Variants in TSPAN18 observed in about 807,000 individuals in gnomAD.
TSPAN18 encodes the protein tetraspanin 18.
TSPAN18 carries 14 observed loss-of-function variants against 27.3 expected under a neutral mutation model. The observed-to-expected ratio is 0.51, with a 90% CI of 0.34 to 0.80. The LOEUF is 0.80. Among genes scored for constraint, TSPAN18 ranks in the 30% least tolerant of loss-of-function variants. The pLI is 0.01. For missense variants in TSPAN18, 268 were observed against 323.9 expected (o/e 0.83, Z 1.32); for synonymous variants, 143 against 136.5 (o/e 1.05, Z -0.33).
intron 6 of TSPAN18, 66 bp downstream of exon 6, chr11:44,918,112 C>A: frequency 2.0e-6 from 3 of 1,512,410 alleles, no homozygotes; most frequent in Non-Finnish European, 2.7e-6. Flanking sequence ...CCATTCAGGT[C>A]TGGCTCCTCC....
At chr11:44,897,887 C>T (rs966337970) in intron 3 of TSPAN18, 161 of 1,283,382 alleles carry the variant, frequency 1.3e-4, no homozygotes, top group East Asian at 2.8e-4. Context: ...TCACCTGACA[C>T]GGTCCCATCT....
chr11:44,805,964 C>T (rs748659973), intron 2 of TSPAN18, among the ~76,000 whole-genome samples: 8 of 152,098 alleles, frequency 5.3e-5, no homozygotes, highest in South Asian at 2.1e-4. Flanking sequence ...TAATGACCTC[C>T]GCAGAGATTC....
intron 2 of TSPAN18, among the ~76,000 whole-genome samples, chr11:44,779,951 A>C (rs1168138787): frequency 1.3e-5 from 2 of 152,160 alleles, no homozygotes; most frequent in Admixed American, 1.3e-4. Context: ...ACCTATGCAC[A>C]TACCTACCCG....
intron 4 of TSPAN18, among the ~76,000 whole-genome samples, chr11:44,906,977 A>G (rs1859475772): frequency 6.6e-6 from 1 of 152,202 alleles, no homozygotes; most frequent in African/African-American, 2.4e-5. Context: ...GTGATTTGAG[A>G]CACATTTCAC....
chr11:44,862,902 C>A (rs1285459163), intron 3 of TSPAN18, among the ~76,000 whole-genome samples: 1 of 152,178 alleles, frequency 6.6e-6, no homozygotes, highest in Non-Finnish European at 1.5e-5. Flanking sequence ...GGAGGAAGGG[C>A]AGCTGTTAGA....
chr11:44,835,054 G>A (rs575253295), intron 2 of TSPAN18, among the ~76,000 whole-genome samples: 6 of 152,182 alleles, frequency 3.9e-5, no homozygotes, highest in Non-Finnish European at 5.9e-5. Flanking sequence ...GAGGGTGGGG[G>A]AGGGATGGAA....
At chr11:44,915,676 C>T (rs1195853524) in intron 5 of TSPAN18, among the ~76,000 whole-genome samples, 2 of 152,188 alleles carry the variant, frequency 1.3e-5, no homozygotes, top group Non-Finnish European at 2.9e-5. Flanking sequence ...CCCTGAGCCT[C>T]GCCCTGCATC....
chr11:44,835,844 A>G (rs1369097684), intron 2 of TSPAN18, among the ~76,000 whole-genome samples: 1 of 152,120 alleles, frequency 6.6e-6, no homozygotes, highest in Non-Finnish European at 1.5e-5. Flanking sequence ...CATTATTAAT[A>G]TGTCTGTTGT....
At chr11:44,735,628 T>TA (rs1313730120) in intron 1 of TSPAN18, among the ~76,000 whole-genome samples, 1 of 151,892 alleles carries the variant, frequency 6.6e-6, no homozygotes. Flanking sequence ...CCTCTTTTTT[T>TA]TTTTTTTTTA....
At chr11:44,885,984 T>C (rs1204584653) in intron 3 of TSPAN18, 1 of 152,342 alleles carries the variant, frequency 6.6e-6, no homozygotes, top group Non-Finnish European at 1.5e-5. Context: ...CTGGGCTTGA[T>C]TTCTGCTCTG....
At chr11:44,920,038 C>A (rs11827297) in intron 8 of TSPAN18, 39 bp downstream of exon 8, 1 of 1,588,120 alleles carries the variant, frequency 6.3e-7, no homozygotes, top group Non-Finnish European at 8.6e-7. Context: ...GTGGGTCTAT[C>A]GGGATTTGGG....
At chr11:44,742,301 CTCCCTCCCTT>C (rs1854960240) in intron 1 of TSPAN18, among the ~76,000 whole-genome samples, 4 of 149,538 alleles carry the variant, frequency 2.7e-5, no homozygotes, top group Non-Finnish European at 3.0e-5. Flanking sequence ...CCCTCCCTCC[CTCCCTCCCTT>C]TTTTCCTTTC....
intron 2 of TSPAN18, among the ~76,000 whole-genome samples, chr11:44,823,713 G>C (rs1856976689): frequency 6.6e-6 from 1 of 152,102 alleles, no homozygotes; most frequent in Admixed American, 6.5e-5. Context: ...TTTCACCGGG[G>C]ACCTGCCCCT....
At chr11:44,899,654 C>A (rs1482271171) in intron 3 of TSPAN18, among the ~76,000 whole-genome samples, 1 of 152,228 alleles carries the variant, frequency 6.6e-6, no homozygotes, top group Non-Finnish European at 1.5e-5. Flanking sequence ...GGGACTGTAC[C>A]TCTATGATAC....
intron 2 of TSPAN18, among the ~76,000 whole-genome samples, chr11:44,780,106 C>T (rs1281674790): frequency 6.6e-6 from 1 of 152,070 alleles, no homozygotes; most frequent in African/African-American, 2.4e-5. Context: ...CACCCCCGAG[C>T]TCCTACGCAC....
chr11:44,851,617 C>CG (rs1314308894), intron 2 of TSPAN18, among the ~76,000 whole-genome samples: 15 of 146,196 alleles, frequency 1.0e-4, no homozygotes, highest in Admixed American at 8.2e-4. Context: ...TTGTCACCTC[C>CG]CCCCCCCAAC....
chr11:44,865,636 C>T (rs1302380955), intron 3 of TSPAN18, among the ~76,000 whole-genome samples: 1 of 152,246 alleles, frequency 6.6e-6, no homozygotes, highest in Non-Finnish European at 1.5e-5. Flanking sequence ...TTCCTAGCAA[C>T]ATTCTCTTTG....
intron 1 of TSPAN18, among the ~76,000 whole-genome samples, chr11:44,755,177 C>T (rs1172750067): frequency 6.6e-6 from 1 of 152,120 alleles, no homozygotes; most frequent in Non-Finnish European, 1.5e-5. Flanking sequence ...CTAATGGGCT[C>T]AGATCGGAAG....
At chr11:44,821,826 A>C (rs7106019) in intron 2 of TSPAN18, among the ~76,000 whole-genome samples, 8,675 of 152,298 alleles carry the variant, frequency 0.057, 298 homozygotes, top group African/African-American at 0.096. Context: ...AAGAGTCACG[A>C]GGAATCAGGT....
Sources: gnomAD v4.1 joint callset for allele counts (sites outside exome capture counted in the v4.1 genomes callset) on GRCh38, gnomAD v4.1.1 for gene constraint, MANE v1.5 for transcripts, NCBI Gene and HGNC (gene_info 2026-07-23, HGNC 2026-07-21) for gene names.